Variants in PJA2 observed in about 807,000 individuals in gnomAD.
PJA2 encodes E3 ubiquitin-protein ligase Praja-2.
A neutral mutation model predicts 69.3 loss-of-function variants in PJA2; 25 were observed. The ratio of observed to expected loss-of-function variants is 0.36; its 90% CI spans 0.26 to 0.50. The LOEUF is 0.50. Ranked by LOEUF, PJA2 falls within the 20% of genes least tolerant of loss-of-function variation. The pLI, the probability that PJA2 is intolerant of heterozygous loss-of-function variation, is 0.96. For missense variants in PJA2, 809 were observed against 830.2 expected, an observed-to-expected ratio of 0.97 and a Z score of 0.31; for synonymous variants, 308 against 277.8, an observed-to-expected ratio of 1.11 and a Z score of -1.08.
chr5:109,387,842 T>C (rs1470831898), intron 1 of PJA2, among the ~76,000 whole-genome samples: 1 of 152,230 alleles, frequency 6.6e-6, no homozygotes, highest in African/African-American at 2.4e-5. Flanking sequence ...GTTTATTTTT[T>C]ATTTACATAC....
At chr5:109,401,926 T>C (rs1013876452) in intron 1 of PJA2, among the ~76,000 whole-genome samples, 3 of 152,128 alleles carry the variant, frequency 2.0e-5, no homozygotes, top group African/African-American at 7.2e-5. Context: ...TTTATGGCAT[T>C]TGTAAAAGGT....
At chr5:109,351,398 C>G (rs868802188) in intron 7 of PJA2, among the ~76,000 whole-genome samples, 4 of 152,240 alleles carry the variant, frequency 2.6e-5, no homozygotes, top group East Asian at 1.9e-4. Flanking sequence ...CTACAAAACA[C>G]TTACCAAAAT....
At chr5:109,402,352 A>C (rs910768073) in intron 1 of PJA2, among the ~76,000 whole-genome samples, 1 of 152,208 alleles carries the variant, frequency 6.6e-6, no homozygotes, top group Admixed American at 6.5e-5. Flanking sequence ...GATGGAAAAT[A>C]ATATACAAAC....
chr5:109,358,920 A>G (rs1050674033), intron 6 of PJA2, among the ~76,000 whole-genome samples: 1 of 152,242 alleles, frequency 6.6e-6, no homozygotes, highest in Admixed American at 6.5e-5. Context: ...AAAAAGAAAC[A>G]GGTTATTTAC....
chr5:109,385,207 A>G (rs79235520), intron 1 of PJA2, among the ~76,000 whole-genome samples: 4,621 of 152,326 alleles, frequency 0.03, 93 homozygotes, highest in Middle Eastern at 0.048. Context: ...TGCTCTGGCT[A>G]CTGTATTGAA....
intron 1 of PJA2, among the ~76,000 whole-genome samples, chr5:109,396,305 AAGC>A (rs1283705596): frequency 1.1e-4 from 16 of 152,290 alleles, no homozygotes; most frequent in African/African-American, 3.4e-4. Flanking sequence ...ATAATTTACT[AAGC>A]CTTATAAAAC....
rs1418806186 is a variant in PJA2, at chr5:109,340,800, G to A, written c.2001+3390C>T. 2.7e-3 allele frequency among the ~76,000 whole-genome samples: 282 copies of A among 104,604 alleles called. 13 individuals are homozygous for A. Among genetic ancestry groups the A allele is most frequent in the Middle Eastern group, 9.6e-3 (2 of 208 alleles). 68.6% of individuals were successfully genotyped at this position (104,604 alleles called of 152,430 possible). On this transcript the variant is annotated intron_variant, in intron 9 of 9. Transcript: ENST00000361189. Reference sequence around the variant, plus strand: ...CCAGTGCCTGCGATTGCAGGCTCGCGCCGCCACACCTGACTGGTTTTGGTG... The same window carrying A: ...CCAGTGCCTGCGATTGCAGGCTCGCACCGCCACACCTGACTGGTTTTGGTG...
chr5:109,360,843 A>C (rs1762492993), intron 6 of PJA2, among the ~76,000 whole-genome samples: 1 of 152,146 alleles, frequency 6.6e-6, no homozygotes, highest in African/African-American at 2.4e-5. Flanking sequence ...AATTATATTC[A>C]GAGGCTGGGC....
At chr5:109,344,931 T>G (rs769368819) in intron 7 of PJA2, 112 bp from the exon 8 acceptor site, 63 of 658,628 alleles carry the variant, frequency 9.6e-5, no homozygotes, top group Non-Finnish European at 9.9e-5. Flanking sequence ...TTTGTTAGTT[T>G]CTTTTGCTTT....
Position 109,344,220 on chromosome 5 carries a change from G to C in PJA2, c.1971C>G (p.His657Gln). ...ATELPCHHFF[H>Q]KPCVSIWLQK... ...GTAGCCAAATTGAGACACAAGGTTTGTGAAAGAAATGGTGACAGGGCAACT... is the reference window on the plus strand; with the variant it reads ...GTAGCCAAATTGAGACACAAGGTTTCTGAAAGAAATGGTGACAGGGCAACT... Residue 657 changes from histidine to glutamine, a missense_variant, in exon 9 of 10, where the codon CAC becomes CAG. Transcript: ENST00000361189. The C allele has an allele frequency of 6.2e-7, 1 of 1,609,218 alleles. No homozygotes were observed. Among genetic ancestry groups the C allele is most frequent in the Non-Finnish European group, 8.5e-7 (1 of 1,177,600 alleles).
At chr5:109,349,926 T>C (rs1762221818) in intron 7 of PJA2, among the ~76,000 whole-genome samples, 1 of 152,190 alleles carries the variant, frequency 6.6e-6, no homozygotes, top group African/African-American at 2.4e-5. Context: ...CCTTCTCACA[T>C]AGCTATAATT....
chr5:109,356,112 G>A (rs576205390), intron 6 of PJA2, 86 bp from the exon 7 acceptor site: 2 of 812,700 alleles, frequency 2.5e-6, no homozygotes, highest in East Asian at 2.6e-5. Flanking sequence ...TTAGCATACT[G>A]ACAAGCCGAT....
chr5:109,375,202 C>G (rs1031758921), intron 4 of PJA2, among the ~76,000 whole-genome samples: 2 of 152,028 alleles, frequency 1.3e-5, no homozygotes, highest in African/African-American at 4.8e-5. Flanking sequence ...TAAAAAGTAG[C>G]CAAAATTCCT....
chr5:109,353,210 CTA>C (rs1384300699), intron 7 of PJA2, among the ~76,000 whole-genome samples: 3 of 138,218 alleles, frequency 2.2e-5, no homozygotes, highest in Non-Finnish European at 3.1e-5. Flanking sequence ...CCTATAATAT[CTA>C]TAGATATCTA....
rs1747054682 is a variant in PJA2 at position 109,381,788 on chromosome 5, AT to A, written c.32-86del. ...GTTGGGGAAAACTACTTCAGTTTATATTTTATTATTTATCAAATCATATGCT... is the reference window on the plus strand; with the variant it reads ...GTTGGGGAAAACTACTTCAGTTTATATTTATTATTTATCAAATCATATGCT... On this transcript the variant is annotated intron_variant, in intron 2 of 9. Transcript: ENST00000361189. 6.5e-6 allele frequency: 7 copies of A among 1,071,938 alleles called. No homozygotes were observed. In the South Asian group the frequency reaches 1.0e-4, roughly 16 times the overall value. 66.4% of individuals were successfully genotyped at this position (1,071,938 alleles called of 1,614,324 possible).
intron 6 of PJA2, among the ~76,000 whole-genome samples, chr5:109,356,725 T>C (rs1260066276): frequency 6.6e-6 from 1 of 152,228 alleles, no homozygotes; most frequent in Non-Finnish European, 1.5e-5. Flanking sequence ...TTAATAACTC[T>C]GGATTTTAAA....
At chr5:109,338,636 CAA>C (rs11336749) in intron 9 of PJA2, among the ~76,000 whole-genome samples, 362 of 62,416 alleles carry the variant, frequency 5.8e-3, no homozygotes, top group African/African-American at 0.018. Context: ...AACTCCGTCT[CAA>C]AAAAAAAAAA....
Position 109,369,110 on chromosome 5 carries a change from A to G in PJA2, c.1284-364T>C, listed in dbSNP as rs112460391. On this transcript the variant is annotated intron_variant, in intron 4 of 9. Coordinates refer to ENST00000361189, the MANE Select transcript of PJA2 (RefSeq NM_014819.5). ...TTGGAAGCTTCCTGAGGCACCCCCA[A>G]GAAGCAGAAGCCACTATGCTTCCTG... 7.6e-3 allele frequency among the ~76,000 whole-genome samples: 1,159 copies of G among 152,306 alleles called. 13 individuals carry two copies. Among genetic ancestry groups the G allele is most frequent in the African/African-American group, 0.026 (1,085 of 41,566 alleles).
At chr5:109,367,064 G>T (rs964337375) in intron 5 of PJA2, among the ~76,000 whole-genome samples, 2 of 150,906 alleles carry the variant, frequency 1.3e-5, no homozygotes, top group African/African-American at 4.9e-5. Flanking sequence ...CCTGGGAGAT[G>T]GAGGTTTCAG....
Sources: allele counts gnomAD v4.1 joint callset (sites outside exome capture counted in the v4.1 genomes callset), GRCh38; gene constraint gnomAD v4.1.1; transcripts MANE v1.5; gene names NCBI Gene and HGNC (gene_info 2026-07-23, HGNC 2026-07-21).